USP33: variants seen among roughly 807,000 people sequenced by gnomAD.
USP33 encodes ubiquitin specific peptidase 33, also known as ubiquitin carboxyl-terminal hydrolase 33.
In USP33, 46 loss-of-function variants were observed where a neutral mutation model predicts 124.2. The ratio of observed to expected loss-of-function variants is 0.37; its 90% confidence interval spans 0.29 to 0.47. USP33 has a LOEUF of 0.47. Ranked by LOEUF, USP33 falls within the 20% of genes least tolerant of loss-of-function variation. The pLI, the probability that USP33 is intolerant of heterozygous loss-of-function variation, is 0.99. For missense variants in USP33, 851 were observed against 1,070.6 expected, an observed-to-expected ratio of 0.79 and a Z score of 2.86; for synonymous variants, 350 against 352.3, an observed-to-expected ratio of 0.99 and a Z score of 0.07.
At chr1:77,741,830 AT>A in intron 1 of USP33, 82 bp from the exon 2 acceptor site, 1 of 1,239,454 alleles carries the variant, frequency 8.1e-7, no homozygotes. Flanking sequence ...AAAAATTAAA[AT>A]GTTAACATAT....
rs1264238347 is a variant in USP33 at position 77,728,685 on chromosome 1, T to C, written c.745A>G (p.Met249Val). Residue 249 changes from methionine (M) to valine (V), a missense_variant, in exon 10 of 24, where the codon ATG becomes GTG. Physicochemically the swap from Met to Val is conservative, Grantham distance 21. This residue lies in a region of USP33 where 221 missense variants were observed against 302.9 expected (regional missense o/e 0.73). Transcript: ENST00000370794. ...QDAQEFLRCL[M>V]DLLHEELKEQ... is the part of the protein sequence containing the mutation. ...TTCAATTCTTCATGAAGCAAATCCA[T>C]TAAACATCGAAGGAATTCTTGAGCA... 1 of 1,613,148 alleles carries C rather than the reference T, an allele frequency of 6.2e-7. No individual in the cohort carries two copies. Among genetic ancestry groups the C allele is most frequent in the East Asian group, 2.2e-5 (1 of 44,860 alleles).
chr1:77,752,660 G>C (rs1372023133), intron 1 of USP33, among the ~76,000 whole-genome samples: 1 of 152,150 alleles, frequency 6.6e-6, no homozygotes, highest in African/African-American at 2.4e-5. Flanking sequence ...TCACTAGCAG[G>C]TGTCAGAACT....
At position 77,759,753 on chromosome 1, in the gene USP33, T is replaced by TCAGGAGGGCCGGAAAACGGCC. The variant is rs1192692937; in HGVS notation, c.-183_-163dup. On this transcript the variant is annotated 5_prime_UTR_variant, in exon 1 of 24. Coordinates refer to ENST00000370794, the MANE Select transcript of USP33 (RefSeq NM_201624.3). ...GCTCTCGGAGAGGGGCAGTGTCGCGTCAGGAGGGCCGGAAAACGGCCCCGC... is the reference window on the plus strand; with the variant it reads ...GCTCTCGGAGAGGGGCAGTGTCGCGTCAGGAGGGCCGGAAAACGGCCCAGGAGGGCCGGAAAACGGCCCCGC... 24 of 397,832 alleles carry TCAGGAGGGCCGGAAAACGGCC rather than the reference T, an allele frequency of 6.0e-5. No individual in the cohort carries two copies. Among genetic ancestry groups the TCAGGAGGGCCGGAAAACGGCC allele is most frequent in the Non-Finnish European group, 9.8e-5 (22 of 225,634 alleles). The allele number at this position is 397,832 out of a possible 1,614,324, so 24.6% of individuals were successfully genotyped here.
chr1:77,708,402 A>G (rs1315384368), intron 21 of USP33, among the ~76,000 whole-genome samples: 1 of 152,178 alleles, frequency 6.6e-6, no homozygotes, highest in Non-Finnish European at 1.5e-5. Flanking sequence ...AGCATCTTCC[A>G]AAGAATCCAA....
intron 21 of USP33, among the ~76,000 whole-genome samples, chr1:77,709,646 C>T (rs892082196): frequency 1.3e-5 from 2 of 150,792 alleles, no homozygotes; most frequent in African/African-American, 4.9e-5. Context: ...ACATATAGAT[C>T]TATCTAGATA....
intron 1 of USP33, among the ~76,000 whole-genome samples, chr1:77,754,902 T>C (rs898689437): frequency 2.6e-5 from 4 of 152,172 alleles, no homozygotes; most frequent in Non-Finnish European, 1.5e-5. Context: ...ATCCTCTAAA[T>C]GAGATTTGTA....
intron 11 of USP33, among the ~76,000 whole-genome samples, 175 bp downstream of exon 11, chr1:77,725,447 T>A (rs1677053566): frequency 6.6e-6 from 1 of 152,232 alleles, no homozygotes; most frequent in Admixed American, 6.5e-5. Flanking sequence ...TGTAAAATTT[T>A]AAAAGCAGAG....
intron 5 of USP33, among the ~76,000 whole-genome samples, chr1:77,738,051 T>C (rs1188714334): frequency 6.6e-6 from 1 of 152,152 alleles, no homozygotes. Flanking sequence ...GATAAATAGG[T>C]ATAAGTGGGA....
At chr1:77,736,999 G>A (rs1459763810) in intron 5 of USP33, among the ~76,000 whole-genome samples, 1 of 151,510 alleles carries the variant, frequency 6.6e-6, no homozygotes, top group African/African-American at 2.4e-5. Context: ...TGACTCAGAG[G>A]TTGCAACTGA....
chr1:77,743,984 C>T (rs543811035), intron 1 of USP33, among the ~76,000 whole-genome samples: 2 of 151,998 alleles, frequency 1.3e-5, no homozygotes, highest in African/African-American at 2.4e-5. Context: ...ATTAGCTGGG[C>T]GTGGTGGTGT....
intron 11 of USP33, among the ~76,000 whole-genome samples, chr1:77,724,346 C>T (rs1676918497): frequency 6.6e-6 from 1 of 152,088 alleles, no homozygotes; most frequent in African/African-American, 2.4e-5. Context: ...TAAATACATC[C>T]AACCTTATCT....
chr1:77,734,563 G>A, intron 6 of USP33, 147 bp from the exon 7 acceptor site: 2 of 557,480 alleles, frequency 3.6e-6, no homozygotes, highest in Non-Finnish European at 6.3e-6. Flanking sequence ...TCACACTTTG[G>A]GAAGCCTTAC....
chr1:77,725,621 C>CAA lies in USP33; in HGVS notation c.1276_1276+1insTT (p.Ala426ValfsTer35), dbSNP rs774743893. ...GAGACTGAATAAGAGAAACGTTTTA[C>CAA]CTTTTTTGTGTGGTGGTGCCAATCC... On this transcript the variant is annotated frameshift_variant and splice_region_variant. Coordinates refer to ENST00000370794, the MANE Select transcript of USP33 (RefSeq NM_201624.3). LOFTEE classifies it high-confidence loss of function. 1.2e-6 allele frequency: 2 copies of CAA among 1,613,822 alleles called. No individual in the cohort carries two copies. Among genetic ancestry groups the CAA allele is most frequent in the Non-Finnish European group, 1.7e-6 (2 of 1,179,912 alleles).
chr1:77,715,895 A>G (rs748048797), intron 17 of USP33, 27 bp from the exon 18 acceptor site: 1 of 1,602,468 alleles, frequency 6.2e-7, no homozygotes, highest in South Asian at 1.1e-5. Context: ...AGAAATCATT[A>G]CAGTAATACA....
chr1:77,729,801 T>C, intron 9 of USP33, 59 bp downstream of exon 9: 2 of 1,552,434 alleles, frequency 1.3e-6, no homozygotes, highest in South Asian at 1.1e-5. Flanking sequence ...AAAAAAAACA[T>C]AATGGCATTT....
Position 77,697,067 on chromosome 1 carries a change from G to T in USP33, c.*250C>A. On this transcript the variant is annotated 3_prime_UTR_variant, in exon 24 of 24. Transcript: ENST00000370794. ...ACAGCACTCCAGCCTGGGTGACAAAGCAAGACTCTGTCTCAAAAAAAAATT... is the reference window on the plus strand; with the variant it reads ...ACAGCACTCCAGCCTGGGTGACAAATCAAGACTCTGTCTCAAAAAAAAATT... 1 of 272,872 alleles carries T rather than the reference G, an allele frequency of 3.7e-6. No individual in the cohort carries two copies. The allele number at this position is 272,872 out of a possible 1,614,324, so 16.9% of individuals were successfully genotyped here.
intron 1 of USP33, among the ~76,000 whole-genome samples, chr1:77,749,202 T>C (rs143125520): frequency 1.6e-4 from 24 of 152,332 alleles, no homozygotes; most frequent in African/African-American, 5.5e-4. Context: ...CCCAATCTTG[T>C]ACATTTTTAT....
chr1:77,739,227 A>C, intron 5 of USP33, 38 bp downstream of exon 5: 1 of 1,568,796 alleles, frequency 6.4e-7, no homozygotes, highest in East Asian at 2.3e-5. Flanking sequence ...TATTACCGGA[A>C]TGTTTTACAG....
intron 20 of USP33, 24 bp downstream of exon 20, chr1:77,713,176 T>C (rs749670665): frequency 8.2e-6 from 13 of 1,588,576 alleles, no homozygotes; most frequent in Non-Finnish European, 1.0e-5. Context: ...CACAACACTG[T>C]ATGGTCTGAT....
Sources: gnomAD v4.1 joint callset for allele counts (sites outside exome capture counted in the v4.1 genomes callset) on GRCh38, gnomAD v4.1.1 for gene constraint, gnomAD v4.1.1 regional missense constraint, MANE v1.5 for transcripts, NCBI Gene and HGNC (gene_info 2026-07-23, HGNC 2026-07-21) for gene names.